ELMO1: variants seen among roughly 807,000 people sequenced by gnomAD.
ELMO1 encodes the protein engulfment and cell motility 1.
In ELMO1, 26 loss-of-function variants were observed where a neutral mutation model predicts 98.9. The ratio of observed to expected loss-of-function variants is 0.26; its 90% confidence interval spans 0.19 to 0.36. The LOEUF is 0.36. ELMO1 is among the 10% of genes least tolerant of loss of function. The probability of loss-of-function intolerance (pLI) is 1.00; values close to 1 mark genes in which losing one functional copy is unlikely to be tolerated. For synonymous variants in ELMO1, 346 were observed against 346.0 expected, an observed-to-expected ratio of 1.00 and a Z score of 0.00; for missense variants, 627 against 935.2, an observed-to-expected ratio of 0.67 and a Z score of 4.30.
intron 13 of ELMO1, chr7:37,197,201 C>G (rs888198113): frequency 6.6e-6 from 1 of 152,174 alleles, no homozygotes; most frequent in Admixed American, 6.5e-5. Flanking sequence ...TCTTCCTGCT[C>G]CTCTTTCTCT....
intron 4 of ELMO1, among the ~76,000 whole-genome samples, chr7:37,295,876 G>T (rs886586573): frequency 6.6e-6 from 1 of 152,148 alleles, no homozygotes. Flanking sequence ...GATATTATAG[G>T]TGATCATTAT....
chr7:37,304,140 T>C lies in ELMO1; in HGVS notation c.192+10710A>G, dbSNP rs562677768. ...GATAGCTCCCATCCAGTTCCCAAAC[T>C]CTAATTAGAAAAGTCTAAAACCACC... is the stretch of plus-strand genomic sequence containing the variant. On this transcript the variant is annotated intron_variant, in intron 4 of 21. Transcript: ENST00000310758. 1.0e-3 allele frequency among the ~76,000 whole-genome samples: 157 copies of C among 152,178 alleles called. 2 individuals carry two copies. The highest frequency in any genetic ancestry group is 2.4e-4 in the Non-Finnish European group (16 of 68,016).
intron 15 of ELMO1, among the ~76,000 whole-genome samples, chr7:37,015,228 A>G (rs2129174749): frequency 6.6e-6 from 1 of 152,194 alleles, no homozygotes; most frequent in East Asian, 1.9e-4. Context: ...GGGGGGACAG[A>G]AGATTTGGGT....
chr7:36,953,132 A>AT (rs1456722799), intron 16 of ELMO1, among the ~76,000 whole-genome samples: 2 of 151,630 alleles, frequency 1.3e-5, no homozygotes, highest in African/African-American at 4.9e-5. Context: ...CGCCCGGCTA[A>AT]TTTTTTTGTA....
At chr7:37,437,540 G>A (rs931905641) in intron 1 of ELMO1, among the ~76,000 whole-genome samples, 6 of 152,144 alleles carry the variant, frequency 3.9e-5, no homozygotes. Context: ...TCATATTTAT[G>A]AGGTACAATT....
intron 15 of ELMO1, among the ~76,000 whole-genome samples, chr7:37,039,423 A>T (rs1795375929): frequency 6.6e-6 from 1 of 152,246 alleles, no homozygotes; most frequent in South Asian, 2.1e-4. Flanking sequence ...TGGGCAGGGC[A>T]CACAGCAAAC....
intron 16 of ELMO1, among the ~76,000 whole-genome samples, chr7:36,931,887 G>A (rs1584392320): frequency 2.6e-5 from 4 of 152,192 alleles, no homozygotes; most frequent in Admixed American, 2.0e-4. Flanking sequence ...AACACTAATT[G>A]AGCAAATTTT....
intron 6 of ELMO1, among the ~76,000 whole-genome samples, chr7:37,257,490 C>T (rs371183537): frequency 2.0e-5 from 3 of 151,146 alleles, no homozygotes; most frequent in Middle Eastern, 3.4e-3. Context: ...TTTGGGAAGC[C>T]GAAATGGGCA....
At chr7:37,375,964 G>A in intron 1 of ELMO1, 1 of 598,268 alleles carries the variant, frequency 1.7e-6, no homozygotes. Context: ...GGCTGGGTCA[G>A]CAACTGAATT....
intron 14 of ELMO1, among the ~76,000 whole-genome samples, chr7:37,109,657 G>A (rs1563006949): frequency 6.6e-6 from 1 of 152,116 alleles, no homozygotes; most frequent in Non-Finnish European, 1.5e-5. Flanking sequence ...GTGTTTCCTA[G>A]GTGATGACGC....
intron 19 of ELMO1, among the ~76,000 whole-genome samples, chr7:36,876,277 G>A (rs558192287): frequency 1.6e-4 from 24 of 152,232 alleles, no homozygotes; most frequent in African/African-American, 5.3e-4. Flanking sequence ...TAGTTTAGCA[G>A]AAGGGACTGT....
At chr7:37,004,407 T>G (rs567404401) in intron 16 of ELMO1, among the ~76,000 whole-genome samples, 1 of 152,334 alleles carries the variant, frequency 6.6e-6, no homozygotes, top group African/African-American at 2.4e-5. Context: ...GCAGTTAACC[T>G]AAAGTCATCA....
intron 15 of ELMO1, among the ~76,000 whole-genome samples, chr7:37,043,133 G>T (rs569706056): frequency 6.6e-6 from 1 of 152,224 alleles, no homozygotes; most frequent in South Asian, 2.1e-4. Context: ...AGACAATGCC[G>T]GGAGCCTCCT....
chr7:37,291,938 CT>C (rs1797705274), intron 4 of ELMO1, among the ~76,000 whole-genome samples: 2 of 37,288 alleles, frequency 5.4e-5, no homozygotes, highest in Non-Finnish European at 1.2e-4. Context: ...CTCCCCCTCC[CT>C]CTCCCTCTGC....
At chr7:37,084,544 C>G (rs1381436935) in intron 15 of ELMO1, among the ~76,000 whole-genome samples, 1 of 152,162 alleles carries the variant, frequency 6.6e-6, no homozygotes. Flanking sequence ...GCAAACAGCA[C>G]AGGAGAATCT....
intron 1 of ELMO1, among the ~76,000 whole-genome samples, chr7:37,438,966 C>T (rs1805276746): frequency 6.6e-6 from 1 of 152,216 alleles, no homozygotes; most frequent in Non-Finnish European, 1.5e-5. Flanking sequence ...TGAGTGCTGG[C>T]CTCCCCTCCT....
chr7:37,181,446 TG>T, intron 13 of ELMO1, among the ~76,000 whole-genome samples: 1 of 152,194 alleles, frequency 6.6e-6, no homozygotes, highest in Non-Finnish European at 1.5e-5. Context: ...AGCTCTGTCT[TG>T]TATTTGCAGA....
At chr7:37,409,169 A>G (rs867092060) in intron 1 of ELMO1, among the ~76,000 whole-genome samples, 2 of 151,608 alleles carry the variant, frequency 1.3e-5, no homozygotes, top group Admixed American at 6.6e-5. Flanking sequence ...CCTAAAACCT[A>G]CTGGATGCCA....
chr7:37,435,973 G>A (rs919589094), intron 1 of ELMO1, among the ~76,000 whole-genome samples: 2 of 152,220 alleles, frequency 1.3e-5, no homozygotes, highest in African/African-American at 4.8e-5. Flanking sequence ...TGAGGCAAAA[G>A]TGATGAAAAC....
Sources: gnomAD v4.1 joint callset for allele counts (sites outside exome capture counted in the v4.1 genomes callset) on GRCh38, gnomAD v4.1.1 for gene constraint, MANE v1.5 for transcripts, NCBI Gene and HGNC (gene_info 2026-07-23, HGNC 2026-07-21) for gene names.